The following MTA3 variants were observed in gnomAD, a reference collection of about 807,000 sequenced individuals.
MTA3 encodes the protein metastasis-associated protein MTA3.
A neutral mutation model predicts 83.5 loss-of-function variants in MTA3; 34 were observed. The observed-to-expected ratio is 0.41, with a 90% confidence interval of 0.31 to 0.54. The LOEUF is 0.54. MTA3 is among the 20% of genes least tolerant of loss of function. The pLI is 0.33. For synonymous variants in MTA3, 303 were observed against 252.7 expected (o/e 1.20, Z -1.89); for missense variants, 761 against 726.4 (o/e 1.05, Z -0.55).
chr2:42,622,186 C>T (rs1470454808), intron 4 of MTA3, among the ~76,000 whole-genome samples: 1 of 152,148 alleles, frequency 6.6e-6, no homozygotes, highest in African/African-American at 2.4e-5. Context: ...GCAGATCACT[C>T]GCGGTTAGGA....
intron 2 of MTA3, among the ~76,000 whole-genome samples, chr2:42,558,136 C>T (rs1393985360): frequency 6.6e-6 from 1 of 152,002 alleles, no homozygotes; most frequent in East Asian, 1.9e-4. Flanking sequence ...TGACATTTTT[C>T]ACACCTCCCT....
chr2:42,663,154 G>C (rs1253324321), intron 8 of MTA3, among the ~76,000 whole-genome samples: 1 of 152,178 alleles, frequency 6.6e-6, no homozygotes, highest in African/African-American at 2.4e-5. Context: ...ATTCTTATGA[G>C]ATACTGCTTC....
chr2:42,753,658 T>C lies in MTA3; in HGVS notation c.*259T>C. ...TTACGGAGCGAGACCTGCTGAGAAT[T>C]GAGGGGCTGAGGGAACCCCTCCACC... is the stretch of plus-strand genomic sequence containing the variant. On this transcript the variant is annotated 3_prime_UTR_variant, in exon 17 of 17. Coordinates refer to ENST00000405094, the MANE Select transcript of MTA3 (RefSeq NM_001330442.2). 2 of 1,306,998 alleles carry C rather than the reference T, an allele frequency of 1.5e-6. No individual in the cohort carries two copies. Among genetic ancestry groups the C allele is most frequent in the Non-Finnish European group, 2.0e-6 (2 of 1,021,304 alleles). 81.0% of individuals were successfully genotyped at this position (1,306,998 alleles called of 1,614,324 possible).
At chr2:42,507,756 C>G (rs1410869870) in intron 2 of MTA3, among the ~76,000 whole-genome samples, 1 of 151,492 alleles carries the variant, frequency 6.6e-6, no homozygotes, top group African/African-American at 2.4e-5. Context: ...TAGTGAGACC[C>G]CCATTTCTAC....
intron 2 of MTA3, among the ~76,000 whole-genome samples, chr2:42,545,968 A>C (rs759910306): frequency 2.6e-5 from 4 of 152,202 alleles, no homozygotes; most frequent in Admixed American, 6.6e-5. Flanking sequence ...GATTTCAAGA[A>C]ATGAAAGACA....
At chr2:42,507,187 C>T (rs1674672268) in intron 2 of MTA3, among the ~76,000 whole-genome samples, 2 of 152,086 alleles carry the variant, frequency 1.3e-5, no homozygotes, top group African/African-American at 4.8e-5. Flanking sequence ...AGGCGTGAGC[C>T]ACTGGTGATG....
intron 14 of MTA3, among the ~76,000 whole-genome samples, 189 bp from the exon 15 acceptor site, chr2:42,718,799 A>G (rs1667211528): frequency 6.6e-6 from 1 of 152,154 alleles, no homozygotes; most frequent in Non-Finnish European, 1.5e-5. Context: ...ATGTTATTTT[A>G]TGTAAATCCC....
chr2:42,594,752 A>C (rs1573131462), intron 3 of MTA3, among the ~76,000 whole-genome samples: 1 of 25,484 alleles, frequency 3.9e-5, no homozygotes, highest in Non-Finnish European at 6.5e-5. Context: ...TTTGAGACAG[A>C]GTCTCACTCT....
rs559332893 is a variant in MTA3, at chr2:42,595,141, G to A, written c.191-14317G>A. ...TTTTTTTTTTTTGAGACAGAGTCCC[G>A]CTCTGTCACCCAGGCTGGAGTCCAG... On this transcript the variant is annotated intron_variant, in intron 3 of 16. Coordinates refer to ENST00000405094, the MANE Select transcript of MTA3 (RefSeq NM_001330442.2). 5.2e-3 allele frequency among the ~76,000 whole-genome samples: 489 copies of A among 94,582 alleles called. 3 individuals are homozygous for A. Among genetic ancestry groups the A allele is most frequent in the African/African-American group, 0.019 (439 of 23,346 alleles). 62.0% of individuals were successfully genotyped at this position (94,582 alleles called of 152,430 possible). A position where few individuals can be genotyped will look rare whatever the true frequency, so the allele number is the denominator to read the frequency against.
Position 42,545,449 on chromosome 2 carries a change from G to C in MTA3, c.-140-24988G>C, listed in dbSNP as rs1461070695. ...AAGGCATTGTCAGTAACTCGGGAGA[G>C]AAATGCTCTAGGTAAGAACTAGGGC... On this transcript the variant is annotated intron_variant, in intron 2 of 17. Transcript: ENST00000405592. Among the ~76,000 whole-genome samples the C allele has an allele frequency of 2.6e-5, 4 of 152,128 alleles. No individual in the cohort carries two copies. The East Asian group carries it at 7.7e-4, about 29-fold the overall frequency.
At chr2:42,557,628 GC>G (rs1677460845) in intron 2 of MTA3, among the ~76,000 whole-genome samples, 1 of 152,176 alleles carries the variant, frequency 6.6e-6, no homozygotes, top group South Asian at 2.1e-4. Context: ...TAATACTCAT[GC>G]TTTTTTCCTC....
chr2:42,630,348 A>G (rs578212459), intron 4 of MTA3, among the ~76,000 whole-genome samples: 1 of 152,316 alleles, frequency 6.6e-6, no homozygotes, highest in Admixed American at 6.5e-5. Context: ...GATTTGTAAT[A>G]TATGATTCAG....
At chr2:42,529,054 A>G (rs1444443606) in intron 2 of MTA3, among the ~76,000 whole-genome samples, 2 of 152,182 alleles carry the variant, frequency 1.3e-5, no homozygotes, top group African/African-American at 4.8e-5. Flanking sequence ...TGAAAAAGAA[A>G]CCTTTAGGCA....
intron 16 of MTA3, among the ~76,000 whole-genome samples, chr2:42,735,916 A>C (rs891844540): frequency 1.3e-5 from 2 of 152,046 alleles, no homozygotes; most frequent in Admixed American, 6.6e-5. Context: ...ACATATCTCC[A>C]TCTCTCTGGG....
intron 7 of MTA3, among the ~76,000 whole-genome samples, chr2:42,658,032 A>G (rs1183341514): frequency 1.5e-5 from 2 of 133,572 alleles, no homozygotes; most frequent in African/African-American, 2.9e-5. Context: ...AGATCGCACC[A>G]TTGCACTCCA....
At chr2:42,514,296 G>T (rs1170814335) in intron 2 of MTA3, among the ~76,000 whole-genome samples, 3 of 152,148 alleles carry the variant, frequency 2.0e-5, no homozygotes, top group Admixed American at 1.3e-4. Flanking sequence ...AGAAAATTGT[G>T]CTTTGTTAGC....
chr2:42,636,844 C>A (rs112727726), intron 4 of MTA3, among the ~76,000 whole-genome samples: 2 of 151,976 alleles, frequency 1.3e-5, no homozygotes, highest in Non-Finnish European at 2.9e-5. Flanking sequence ...CCAGGCTGGT[C>A]TCGAACTCCT....
At position 42,756,397 on chromosome 2, in the gene MTA3, G is replaced by A. The variant is rs1002237215; in HGVS notation, c.*2998G>A. ...CCAGTTGGAAGCAGCTGCCCTGGGA[G>A]CCTGGGACAGGCGACCCACCGGGTC... On this transcript the variant is annotated 3_prime_UTR_variant, in exon 17 of 17. Coordinates refer to ENST00000405094, the MANE Select transcript of MTA3 (RefSeq NM_001330442.2). 7.7e-6 allele frequency: 7 copies of A among 913,624 alleles called. No homozygotes were observed. Among genetic ancestry groups the A allele is most frequent in the Non-Finnish European group, 9.2e-6 (7 of 764,612 alleles). The allele number at this position is 913,624 out of a possible 1,614,324, so 56.6% of individuals were successfully genotyped here. A position where few individuals can be genotyped will look rare whatever the true frequency, so the allele number is the denominator to read the frequency against.
At chr2:42,524,483 T>G (rs1186560051) in intron 2 of MTA3, among the ~76,000 whole-genome samples, 5 of 140,668 alleles carry the variant, frequency 3.6e-5, no homozygotes, top group East Asian at 2.1e-4. Context: ...TTTTTTTTTT[T>G]TTTTTTTTTT....
Sources: allele counts gnomAD v4.1 joint callset (sites outside exome capture counted in the v4.1 genomes callset), GRCh38; gene constraint gnomAD v4.1.1; transcripts MANE v1.5; gene names NCBI Gene and HGNC (gene_info 2026-07-23, HGNC 2026-07-21).